The following DMD variants were observed in gnomAD, a reference collection of about 807,000 sequenced individuals.
DMD encodes the protein dystrophin.
Under a neutral mutation model 330.1 loss-of-function variants are expected in DMD, and 63 were observed. The ratio of observed to expected loss-of-function variants is 0.19; its 90% CI spans 0.16 to 0.24. DMD has a LOEUF of 0.24. DMD is among the 10% of genes least tolerant of loss of function. The pLI is 1.00. For missense variants in DMD, 3,344 were observed against 2,684.1 expected, an observed-to-expected ratio of 1.25 and a Z score of -5.43; for synonymous variants, 1,223 against 959.8, an observed-to-expected ratio of 1.27 and a Z score of -5.07.
chrX:32,875,342 CTG>C (rs1291012597), intron 2 of DMD, among the ~76,000 whole-genome samples: 3 of 112,070 alleles, frequency 2.7e-5, no homozygotes, highest in Admixed American at 9.4e-5. Context: ...CCTGCCTAGT[CTG>C]TATTTTCTCC....
At chrX:32,090,017 C>T (rs2096464903) in intron 44 of DMD, among the ~76,000 whole-genome samples, 1 of 111,881 alleles carries the variant, frequency 8.9e-6, no homozygotes, top group African/African-American at 3.3e-5. Context: ...ATTTGAAGAA[C>T]AATTGGAATC....
chrX:32,694,755 C>G (rs763517503), intron 9 of DMD, among the ~76,000 whole-genome samples: 1 of 111,704 alleles, frequency 9.0e-6, no homozygotes, highest in Non-Finnish European at 1.9e-5. Context: ...CTCCCGGGTT[C>G]AAGTGATTCT....
chrX:32,200,368 T>C (rs1261906612), intron 44 of DMD, among the ~76,000 whole-genome samples: 1 of 112,047 alleles, frequency 8.9e-6, no homozygotes, highest in African/African-American at 3.2e-5. Context: ...AAATACGTAA[T>C]TTGTAATTTT....
At chrX:32,101,889 A>T (rs766474511) in intron 44 of DMD, among the ~76,000 whole-genome samples, 3 of 111,290 alleles carry the variant, frequency 2.7e-5, no homozygotes, top group Non-Finnish European at 5.7e-5. Flanking sequence ...TTATGAATGG[A>T]TTCATCCATT....
At chrX:32,066,927 C>T (rs2096263784) in intron 44 of DMD, among the ~76,000 whole-genome samples, 1 of 111,152 alleles carries the variant, frequency 9.0e-6, no homozygotes, top group Non-Finnish European at 1.9e-5. Flanking sequence ...TCATACAAAT[C>T]ACCTATAGTG....
At chrX:32,675,172 G>T (rs1289261523) in intron 9 of DMD, among the ~76,000 whole-genome samples, 1 of 111,181 alleles carries the variant, frequency 9.0e-6, no homozygotes, top group African/African-American at 3.3e-5. Context: ...GAATTGGTTT[G>T]CTTATTCATC....
intron 57 of DMD, among the ~76,000 whole-genome samples, chrX:31,483,508 C>T (rs942348221): frequency 1.2e-4 from 14 of 112,289 alleles, no homozygotes; most frequent in Non-Finnish European, 2.6e-4. Context: ...GTTTGCCCAT[C>T]GAGTTGTTGC....
In DMD at chrX:32,365,337, A is replaced by C. The variant is rs1163702868; in HGVS notation, c.4846-138T>G. 9.0e-6 allele frequency: 5 copies of C among 555,637 alleles called. No homozygotes were observed. The Admixed American group carries it at 1.6e-4, about 18-fold the overall frequency. The allele number at this position is 555,637 out of a possible 1,213,427, so 45.8% of individuals were successfully genotyped here. On this transcript the variant is annotated intron_variant, in intron 34 of 78. Coordinates refer to ENST00000357033, the MANE Select transcript of DMD (RefSeq NM_004006.3). ...AACTATGTATTAATGAATCATGAAA[A>C]CCATACCATATATACTGAAGCTTCA...
In DMD at chrX:31,616,954, C is replaced by T. The variant is rs767741879; in HGVS notation, c.8217+10719G>A. ...AACTCTCTGACTGAAAAGATGGTACCGGGATGAACAGCAGGATAGGAAATA... is the reference window on the plus strand; with the variant it reads ...AACTCTCTGACTGAAAAGATGGTACTGGGATGAACAGCAGGATAGGAAATA... On this transcript the variant is annotated intron_variant, in intron 55 of 78. Transcript: ENST00000357033. Among the ~76,000 whole-genome samples the T allele has an allele frequency of 1.4e-4, 15 of 111,044 alleles. 1 individual carries two copies. The highest frequency in any genetic ancestry group is 3.8e-4 in the South Asian group (1 of 2,620).
chrX:32,529,182 C>T (rs1268448536), intron 17 of DMD, among the ~76,000 whole-genome samples: 1 of 106,896 alleles, frequency 9.4e-6, no homozygotes, highest in Non-Finnish European at 1.9e-5. Flanking sequence ...GACTCAGCCT[C>T]CCAAAGTGCT....
intron 34 of DMD, among the ~76,000 whole-genome samples, chrX:32,367,942 G>A (rs753114554): frequency 8.9e-6 from 1 of 111,997 alleles, no homozygotes; most frequent in East Asian, 2.8e-4. Context: ...AAACTTTTAT[G>A]TATGCTATTC....
At chrX:31,643,801 T>C (rs1369066177) in intron 54 of DMD, among the ~76,000 whole-genome samples, 1 of 111,966 alleles carries the variant, frequency 8.9e-6, no homozygotes, top group East Asian at 2.8e-4. Context: ...TAATAGAATA[T>C]TATGCCTTTT....
chrX:31,831,625 G>T (rs767277464), intron 49 of DMD, among the ~76,000 whole-genome samples: 6 of 111,311 alleles, frequency 5.4e-5, no homozygotes, highest in Non-Finnish European at 1.1e-4. Flanking sequence ...ATGAGATGGA[G>T]TCTCACTCTG....
intron 52 of DMD, among the ~76,000 whole-genome samples, chrX:31,723,273 T>TAACTCCTG (rs2085720723): frequency 1.1e-5 from 1 of 86,982 alleles, no homozygotes; most frequent in African/African-American, 5.7e-5. Context: ...AAAAGTAACA[T>TAACTCCTG]CACTCCTGCA....
intron 44 of DMD, among the ~76,000 whole-genome samples, chrX:31,971,398 G>C (rs1034976964): frequency 1.8e-5 from 2 of 111,865 alleles, no homozygotes; most frequent in Non-Finnish European, 3.8e-5. Flanking sequence ...CCAAATAAGA[G>C]ATAGAATTGA....
chrX:32,650,510 G>A (rs138821935), intron 9 of DMD, among the ~76,000 whole-genome samples: 1,520 of 111,543 alleles, frequency 0.014, 23 homozygotes, highest in African/African-American at 0.047. Flanking sequence ...TAACAGAAGA[G>A]CATTTCTGAA....
chrX:32,252,677 A>AAT (rs766322442), intron 43 of DMD, among the ~76,000 whole-genome samples: 3,377 of 33,468 alleles, frequency 0.1, 559 homozygotes, highest in East Asian at 0.41. Flanking sequence ...TATATATATA[A>AAT]ATATATAAAT....
rs1464997824 is a variant in DMD, at chrX:32,573,721, G to A, written c.1704+24C>T. 4 of 1,197,131 alleles carry A rather than the reference G, an allele frequency of 3.3e-6. No homozygotes were observed. In the Admixed American group the frequency reaches 8.8e-5, roughly 26 times the overall value. On this transcript the variant is annotated intron_variant, in intron 14 of 78. Transcript: ENST00000357033. ...TTAATATCCCCCCGTGTCTTTTACAGCTAGTTTCTCACACATGACACACCT... is the reference window on the plus strand; with the variant it reads ...TTAATATCCCCCCGTGTCTTTTACAACTAGTTTCTCACACATGACACACCT...
At chrX:32,096,835 G>A (rs1328214214) in intron 44 of DMD, among the ~76,000 whole-genome samples, 2 of 111,682 alleles carry the variant, frequency 1.8e-5, no homozygotes, top group Non-Finnish European at 3.8e-5. Context: ...TTTAGCATGA[G>A]TCCAGATGAC....
Sources: allele counts gnomAD v4.1 joint callset (sites outside exome capture counted in the v4.1 genomes callset), GRCh38; gene constraint gnomAD v4.1.1; transcripts MANE v1.5; gene names NCBI Gene and HGNC (gene_info 2026-07-23, HGNC 2026-07-21).